Variants in WWOX observed in about 807,000 individuals in gnomAD.
WWOX encodes WW domain-containing oxidoreductase.
WWOX carries 69 observed loss-of-function variants against 46.2 expected under a neutral mutation model. The ratio of observed to expected loss-of-function variants is 1.49; its 90% CI spans 1.23 to 1.82. WWOX has a LOEUF of 1.82. Among genes scored for constraint, WWOX ranks in the 40% most tolerant of loss-of-function variants. WWOX has a pLI of 0.00. For synonymous variants in WWOX, 359 were observed against 202.6 expected (o/e 1.77, Z -6.56); for missense variants, 919 against 542.6 (o/e 1.69, Z -6.89).
intron 6 of WWOX, among the ~76,000 whole-genome samples, chr16:78,397,151 A>G (rs2082305979): frequency 6.6e-6 from 1 of 152,218 alleles, no homozygotes; most frequent in African/African-American, 2.4e-5. Flanking sequence ...AGAAGAGGAA[A>G]GAGTTTAAGT....
intron 8 of WWOX, among the ~76,000 whole-genome samples, chr16:78,434,895 G>A (rs758154854): frequency 1.3e-5 from 2 of 152,198 alleles, no homozygotes; most frequent in Non-Finnish European, 2.9e-5. Context: ...GCCAGGGCAT[G>A]TGGGAAAAGA....
At chr16:79,075,747 C>G (rs2048643912) in intron 8 of WWOX, among the ~76,000 whole-genome samples, 1 of 151,948 alleles carries the variant, frequency 6.6e-6, no homozygotes, top group South Asian at 2.1e-4. Flanking sequence ...GAGATGGGGT[C>G]TCATCTGGTG....
intron 8 of WWOX, among the ~76,000 whole-genome samples, chr16:78,815,255 A>T (rs1391754002): frequency 2.0e-5 from 3 of 151,474 alleles, no homozygotes; most frequent in South Asian, 2.1e-4. Context: ...AGCCTCGGAG[A>T]TGGAGGTTGC....
chr16:78,994,187 T>C (rs766028549), intron 8 of WWOX, among the ~76,000 whole-genome samples: 1 of 152,248 alleles, frequency 6.6e-6, no homozygotes, highest in East Asian at 1.9e-4. Flanking sequence ...ATCGATTCTC[T>C]CCTTATAGGC....
chr16:79,015,939 C>G, intron 8 of WWOX, among the ~76,000 whole-genome samples: 1 of 152,110 alleles, frequency 6.6e-6, no homozygotes, highest in Non-Finnish European at 1.5e-5. Context: ...TTAGTAGAGA[C>G]AGGATTTCGC....
intron 8 of WWOX, among the ~76,000 whole-genome samples, chr16:79,097,210 C>G (rs1226820198): frequency 2.0e-5 from 3 of 152,128 alleles, no homozygotes; most frequent in African/African-American, 7.2e-5. Context: ...TTATAAAGAG[C>G]CTGCTTTTCT....
chr16:78,716,408 G>T lies in WWOX; in HGVS notation c.1056+283656G>T, dbSNP rs370426946. ...GCTGTTCTAAGCCACCCAGTGTGCA[G>T]TAGCTTTCTGCAGCAACCCTAGGGA... On this transcript the variant is annotated intron_variant, in intron 8 of 8. Coordinates refer to ENST00000566780, the MANE Select transcript of WWOX (RefSeq NM_016373.4). Among the ~76,000 whole-genome samples the T allele has an allele frequency of 7.2e-5, 11 of 152,246 alleles. No homozygotes were observed. In the South Asian group the frequency reaches 1.4e-3, roughly 20 times the overall value.
intron 8 of WWOX, among the ~76,000 whole-genome samples, chr16:79,065,877 C>T (rs192430030): frequency 2.0e-5 from 3 of 152,340 alleles, no homozygotes; most frequent in East Asian, 1.9e-4. Context: ...CTTATGGTCA[C>T]AATTTCACAA....
At chr16:78,918,557 C>T (rs1412700856) in intron 8 of WWOX, among the ~76,000 whole-genome samples, 1 of 152,164 alleles carries the variant, frequency 6.6e-6, no homozygotes, top group Non-Finnish European at 1.5e-5. Flanking sequence ...ACTTTTTCTT[C>T]TTTCCGAGAC....
At chr16:79,153,229 G>C (rs1055845311) in intron 8 of WWOX, among the ~76,000 whole-genome samples, 10 of 152,092 alleles carry the variant, frequency 6.6e-5, no homozygotes, top group Non-Finnish European at 1.3e-4. Context: ...CTTGCGAAAA[G>C]ATTCCAGCAC....
intron 8 of WWOX, among the ~76,000 whole-genome samples, chr16:79,041,817 C>T (rs1357741856): frequency 1.3e-5 from 2 of 152,130 alleles, no homozygotes; most frequent in Admixed American, 1.3e-4. Flanking sequence ...TGGCAAAATT[C>T]AGACAAACCT....
chr16:78,109,740 T>G (rs776821706), intron 2 of WWOX, 38 bp from the exon 3 acceptor site: 3 of 1,612,922 alleles, frequency 1.9e-6, no homozygotes, highest in Non-Finnish European at 1.7e-6. Context: ...TCTTTACTTC[T>G]CCCTGGCACC....
At chr16:78,455,831 G>C (rs1167921192) in intron 8 of WWOX, among the ~76,000 whole-genome samples, 1 of 150,712 alleles carries the variant, frequency 6.6e-6, no homozygotes, top group Non-Finnish European at 1.5e-5. Context: ...TCATGTTAAA[G>C]TTGATGATGA....
chr16:78,602,299 C>A (rs966599982), intron 8 of WWOX, among the ~76,000 whole-genome samples: 2 of 151,996 alleles, frequency 1.3e-5, no homozygotes, highest in Non-Finnish European at 1.5e-5. Context: ...GTGGTGTAAT[C>A]TCGGCTTACT....
rs187846625 is a variant in WWOX, at chr16:78,934,284, G to C, written c.1057-277324G>C. Among the ~76,000 whole-genome samples, 302 of 140,954 alleles carry C rather than the reference G, an allele frequency of 2.1e-3. 1 individual carries two copies. Among genetic ancestry groups the C allele is most frequent in the Non-Finnish European group, 3.5e-3 (235 of 66,410 alleles). 92.5% of individuals were successfully genotyped at this position (140,954 alleles called of 152,430 possible). On this transcript the variant is annotated intron_variant, in intron 8 of 8. Transcript: ENST00000566780. ...ACCCAGGAGGCGGATCTTGCAGTGA[G>C]CCGAGATCGCACCACTGCACTCTAG...
At position 78,528,268 on chromosome 16, in the gene WWOX, C is replaced by T. The variant is rs548771699; in HGVS notation, c.1056+95516C>T. ...TGATCTCGTAATCCGCCCACCTCGGCCTCACAAAGTGCTGGGATTACAGAC... is the reference window on the plus strand; with the variant it reads ...TGATCTCGTAATCCGCCCACCTCGGTCTCACAAAGTGCTGGGATTACAGAC... On this transcript the variant is annotated intron_variant, in intron 8 of 8. Coordinates refer to ENST00000566780, the MANE Select transcript of WWOX (RefSeq NM_016373.4). 3.4e-5 allele frequency among the ~76,000 whole-genome samples: 5 copies of T among 148,862 alleles called. No homozygotes were observed. The East Asian group carries it at 1.0e-3, about 30-fold the overall frequency.
At chr16:78,103,405 TGTATACACCAGCTGAGATGCCAGG>T (rs1007470723) in intron 1 of WWOX, among the ~76,000 whole-genome samples, 7 of 152,056 alleles carry the variant, frequency 4.6e-5, no homozygotes, top group African/African-American at 1.7e-4. Context: ...AGCTATTTAT[TGTATACACCAGCTGAGATGCCAGG>T]GCTTGGCTGG....
chr16:78,327,674 T>C (rs1308037358), intron 5 of WWOX, among the ~76,000 whole-genome samples: 1 of 152,076 alleles, frequency 6.6e-6, no homozygotes, highest in Non-Finnish European at 1.5e-5. Context: ...AGAGTGATCT[T>C]TGGTTTTCTC....
chr16:78,524,076 G>A (rs1309169660), intron 8 of WWOX, among the ~76,000 whole-genome samples: 1 of 152,194 alleles, frequency 6.6e-6, no homozygotes, highest in Non-Finnish European at 1.5e-5. Flanking sequence ...TGGTTATCAA[G>A]TCAACATCAA....
Sources: gnomAD v4.1 joint callset for allele counts (sites outside exome capture counted in the v4.1 genomes callset) on GRCh38, gnomAD v4.1.1 for gene constraint, MANE v1.5 for transcripts, NCBI Gene and HGNC (gene_info 2026-07-23, HGNC 2026-07-21) for gene names.